PSORS1C1: variants seen among roughly 807,000 people sequenced by gnomAD.
PSORS1C1 encodes psoriasis susceptibility 1 candidate gene 1 protein.
In PSORS1C1, 7 loss-of-function variants were observed where a neutral mutation model predicts 9.4. That is an observed-to-expected ratio of 0.75 (90% confidence interval 0.42 to 1.40). The LOEUF (loss-of-function observed/expected upper bound fraction) is 1.40, where lower values mean the gene tolerates loss of function less well. PSORS1C1 is among the 40% of genes most tolerant of loss of function. PSORS1C1 has a pLI of 0.01. For synonymous variants in PSORS1C1, 63 were observed against 69.4 expected (o/e 0.91, Z 0.46); for missense variants, 146 against 178.1 (o/e 0.82, Z 1.02).
chr6:31,138,264 T>C, intron 3 of PSORS1C1, 166 bp from the exon 4 acceptor site: 1 of 1,576,054 alleles, frequency 6.3e-7, no homozygotes, highest in African/African-American at 1.4e-5. Context: ...CTCTCGGTCC[T>C]CTGCGGGTGG....
chr6:31,124,941 C>T (rs1261074576), intron 1 of PSORS1C1, among the ~76,000 whole-genome samples: 2 of 150,586 alleles, frequency 1.3e-5, no homozygotes, highest in Non-Finnish European at 2.9e-5. Context: ...GCACTCCAGC[C>T]TGGGTGACAG....
At chr6:31,117,682 G>T (rs1334503243) in intron 1 of PSORS1C1, 10 of 682,756 alleles carry the variant, frequency 1.5e-5, no homozygotes, top group Admixed American at 4.7e-5. Flanking sequence ...ACTGGCTATT[G>T]TCTCTAAAGG....
At chr6:31,121,340 G>A (rs1241944677) in intron 1 of PSORS1C1, among the ~76,000 whole-genome samples, 1 of 152,176 alleles carries the variant, frequency 6.6e-6, no homozygotes, top group Non-Finnish European at 1.5e-5. Flanking sequence ...TGGGAAGGTG[G>A]TGGCCCCATA....
At chr6:31,117,151 G>A (rs201863437) in intron 1 of PSORS1C1, 32 of 1,607,120 alleles carry the variant, frequency 2.0e-5, no homozygotes, top group Middle Eastern at 1.6e-4. Flanking sequence ...GCTGCTGCTC[G>A]AATGAGAGCT....
chr6:31,129,989 C>A (rs1042933867), intron 3 of PSORS1C1, among the ~76,000 whole-genome samples: 2 of 152,170 alleles, frequency 1.3e-5, no homozygotes, highest in Non-Finnish European at 2.9e-5. Context: ...ACTCAGGACG[C>A]TGTGGTAGGA....
intron 3 of PSORS1C1, among the ~76,000 whole-genome samples, chr6:31,130,207 C>T (rs1324613007): frequency 2.0e-5 from 3 of 151,896 alleles, no homozygotes; most frequent in Admixed American, 1.3e-4. Context: ...CTATCCTTAG[C>T]TTCCTGCCAC....
intron 3 of PSORS1C1, among the ~76,000 whole-genome samples, chr6:31,131,650 G>C (rs1282512007): frequency 6.7e-6 from 1 of 148,212 alleles, no homozygotes; most frequent in African/African-American, 2.5e-5. Flanking sequence ...GTTAAAATCA[G>C]TGTTGTTAGC....
At position 31,139,616 on chromosome 6, in the gene PSORS1C1, T is replaced by C. The variant is rs962558669; in HGVS notation, c.168-25T>C. The stretch of plus-strand genomic sequence containing the variant: ...CTTCCCCCATGGGATCCAGGCATCC[T>C]GCTCTCCACCATGTCCTTCTTCAGG... On this transcript the variant is annotated intron_variant, in intron 5 of 5. Coordinates refer to ENST00000259881, the MANE Select transcript of PSORS1C1 (RefSeq NM_014068.3). This position sits in a 1 kb window ranked among gnomAD's most constrained non-coding sequence, Gnocchi z 5.2. The C allele has an allele frequency of 7.2e-5, 115 of 1,602,682 alleles. No homozygotes were observed. The highest frequency in any genetic ancestry group is 9.8e-5 in the Non-Finnish European group (115 of 1,172,432).
intron 3 of PSORS1C1, among the ~76,000 whole-genome samples, chr6:31,131,723 G>A (rs1205362325): frequency 6.6e-6 from 1 of 152,110 alleles, no homozygotes; most frequent in Non-Finnish European, 1.5e-5. Context: ...CCTTGCATGG[G>A]TCACTGTACC....
intron 1 of PSORS1C1, among the ~76,000 whole-genome samples, chr6:31,124,466 C>A (rs1424532441): frequency 6.6e-6 from 1 of 152,176 alleles, no homozygotes; most frequent in Non-Finnish European, 1.5e-5. Flanking sequence ...TTGTCCAAAC[C>A]AGCTGCTAAC....
chr6:31,117,526 G>A (rs1772230429), intron 1 of PSORS1C1: 1 of 1,550,074 alleles, frequency 6.5e-7, no homozygotes, highest in East Asian at 2.4e-5. Flanking sequence ...CTTAGCCAAG[G>A]TCCCTGTGGA....
Position 31,139,467 on chromosome 6 carries a change from GA to G in PSORS1C1, c.168-173del. ...GGTTGGGAGGCAGGATGCCTGCGCT[GA>G]GGGAGGAGGTGCTTTTCAAACCTGG... On this transcript the variant is annotated intron_variant, in intron 5 of 5. Transcript: ENST00000259881. The surrounding 1 kb of genome is among the most constrained non-coding windows in gnomAD (Gnocchi z 5.2). 1 of 623,920 alleles carries G rather than the reference GA, an allele frequency of 1.6e-6. No homozygotes were observed. Among genetic ancestry groups the G allele is most frequent in the Non-Finnish European group, 2.8e-6 (1 of 357,794 alleles). 38.6% of individuals were successfully genotyped at this position (623,920 alleles called of 1,614,324 possible).
At chr6:31,137,102 C>T (rs1412559929) in intron 3 of PSORS1C1, among the ~76,000 whole-genome samples, 2 of 150,814 alleles carry the variant, frequency 1.3e-5, no homozygotes, top group East Asian at 2.0e-4. Flanking sequence ...GAGCCGAGAT[C>T]GTGCCATTGC....
At chr6:31,137,998 G>A (rs1230756461) in intron 3 of PSORS1C1, 1 of 1,516,034 alleles carries the variant, frequency 6.6e-7, no homozygotes, top group Non-Finnish European at 8.8e-7. Context: ...TCCTCCTGAG[G>A]TCGGTTGTCC....
At chr6:31,121,000 C>G (rs943515404) in intron 1 of PSORS1C1, among the ~76,000 whole-genome samples, 4 of 151,686 alleles carry the variant, frequency 2.6e-5, no homozygotes, top group African/African-American at 9.7e-5. Context: ...CTGCCCCCAT[C>G]CCCCAGGCTC....
At position 31,132,259 on chromosome 6, in the gene PSORS1C1, T is replaced by C. The variant is rs372553825; in HGVS notation, c.13+2614T>C. Among the ~76,000 whole-genome samples the C allele has an allele frequency of 6.1e-4, 93 of 152,232 alleles. No individual in the cohort carries two copies. In the East Asian group the frequency reaches 7.9e-3, roughly 13 times the overall value. ...TAAATAGGCCAGGCACAGTGGCTCA[T>C]GCCTGTAATCTCGACACTTTGGGAG... On this transcript the variant is annotated intron_variant, in intron 3 of 5. Transcript: ENST00000259881.
chr6:31,139,620 C>T lies in PSORS1C1; in HGVS notation c.168-21C>T. 1 of 1,605,418 alleles carries T rather than the reference C, an allele frequency of 6.2e-7. No homozygotes were observed. The highest frequency in any genetic ancestry group is 2.2e-5 in the East Asian group (1 of 44,702). On this transcript the variant is annotated intron_variant, in intron 5 of 5. Transcript: ENST00000259881. The surrounding 1 kb of genome is among the most constrained non-coding windows in gnomAD (Gnocchi z 5.2). ...CCCCATGGGATCCAGGCATCCTGCT[C>T]TCCACCATGTCCTTCTTCAGGCATG... is the stretch of plus-strand genomic sequence containing the variant.
Position 31,138,660 on chromosome 6 carries a change from A to G in PSORS1C1, c.48A>G (p.Thr16=), listed in dbSNP as rs765273992. The change falls in exon 5 of 6, where the codon ACA becomes ACG. Residue 16 remains threonine, a synonymous_variant. Coordinates refer to ENST00000259881, the MANE Select transcript of PSORS1C1 (RefSeq NM_014068.3). ...GGGTTACACCTTGGCCCCCAGGCAC[A>G]CAGACCCCAGCTTTACAAGGACCCC... ...QKSHSQRALG[T]QTPALQGPQL... The G allele has an allele frequency of 2.5e-6, 4 of 1,613,192 alleles. No individual in the cohort carries two copies. In the East Asian group the frequency reaches 8.9e-5, roughly 36 times the overall value.
intron 1 of PSORS1C1, chr6:31,116,460 C>A (rs577480509): frequency 1.9e-6 from 3 of 1,594,222 alleles, no homozygotes; most frequent in Admixed American, 1.8e-5. Flanking sequence ...CCTTGGAGCC[C>A]GTGGAGCCGC....
Sources: allele counts gnomAD v4.1 joint callset (sites outside exome capture counted in the v4.1 genomes callset), GRCh38; gene constraint gnomAD v4.1.1; non-coding constraint Gnocchi (gnomAD v3.1); transcripts MANE v1.5; gene names NCBI Gene and HGNC (gene_info 2026-07-23, HGNC 2026-07-21).